EFCAB5: variants seen among roughly 807,000 people sequenced by gnomAD.
EFCAB5 encodes EF-hand calcium binding domain 5, also known as EF-hand calcium-binding domain-containing protein 5.
EFCAB5 carries 131 observed loss-of-function variants against 167.9 expected under a neutral mutation model. The ratio of observed to expected loss-of-function variants is 0.78; its 90% CI spans 0.68 to 0.90. The LOEUF is 0.90. EFCAB5 is among the 40% of genes least tolerant of loss of function. EFCAB5 has a pLI of 0.00. For missense variants in EFCAB5, 1,663 were observed against 1,745.2 expected (o/e 0.95, Z 0.84); for synonymous variants, 574 against 602.8 (o/e 0.95, Z 0.70).
rs552914362 is a variant in EFCAB5 at position 29,975,164 on chromosome 17, C to T, written c.767+5797C>T. ...TAGCCCCCAGGTTGTAATTTGCTGA[C>T]CTTTTGTCTAAATGGTATCTATTAG... On this transcript the variant is annotated intron_variant, in intron 4 of 22. Transcript: ENST00000394835. 2.2e-3 allele frequency among the ~76,000 whole-genome samples: 341 copies of T among 152,190 alleles called. 1 individual carries two copies. Among genetic ancestry groups the T allele is most frequent in the African/African-American group, 7.9e-3 (328 of 41,518 alleles).
At chr17:30,023,935 T>TGATTATCTCAATA (rs1300042629) in intron 7 of EFCAB5, among the ~76,000 whole-genome samples, 1 of 152,196 alleles carries the variant, frequency 6.6e-6, no homozygotes, top group African/African-American at 2.4e-5. Context: ...AAAAGCCACA[T>TGATTATCTCAATA]GATTATCTCA....
intron 4 of EFCAB5, among the ~76,000 whole-genome samples, chr17:29,977,429 C>G (rs2068083812): frequency 6.6e-6 from 1 of 152,128 alleles, no homozygotes; most frequent in East Asian, 1.9e-4. Flanking sequence ...CAAATTTCCT[C>G]TCTTTTCTCA....
At position 29,999,989 on chromosome 17, in the gene EFCAB5, T is replaced by G; in HGVS notation, c.1044+13T>G. 2.6e-6 allele frequency: 4 copies of G among 1,527,820 alleles called. No individual in the cohort carries two copies. The highest frequency in any genetic ancestry group is 2.0e-5 in the Admixed American group (1 of 51,102). 94.6% of individuals were successfully genotyped at this position (1,527,820 alleles called of 1,614,324 possible). ...GGAATTTACAGAAGTAAGAGTTACA[T>G]TATTTAATGTTTGAATTGAATTATT... On this transcript the variant is annotated intron_variant, in intron 7 of 22. Coordinates refer to ENST00000394835, the MANE Select transcript of EFCAB5 (RefSeq NM_198529.4).
At chr17:29,999,553 A>G (rs939711192) in intron 6 of EFCAB5, among the ~76,000 whole-genome samples, 2 of 152,182 alleles carry the variant, frequency 1.3e-5, no homozygotes, top group African/African-American at 4.8e-5. Flanking sequence ...AAGTTTTTAA[A>G]AAGAAAGCTT....
intron 6 of EFCAB5, 138 bp downstream of exon 6, chr17:29,996,498 C>T: frequency 1.5e-6 from 1 of 658,832 alleles, no homozygotes; most frequent in Admixed American, 2.9e-5. Flanking sequence ...TCCATGCTGT[C>T]CAGATACAGA....
In EFCAB5 at chr17:30,053,807, G is replaced by A. The variant is rs1250980237; in HGVS notation, c.1853G>A (p.Arg618Gln). ...SRRESIAEQD[R>Q]HKGSVAEQGS... Reference sequence around the variant, plus strand: ...AGAGAGTCTATTGCAGAACAAGATCGACACAAAGGGTCAGTAGCAGAACAA... The same window carrying A: ...AGAGAGTCTATTGCAGAACAAGATCAACACAAAGGGTCAGTAGCAGAACAA... The change falls in exon 10 of 23, where the codon CGA becomes CAA. Residue 618 changes from arginine to glutamine, a missense_variant. Physicochemically the swap from Arg to Gln is conservative, Grantham distance 43 (BLOSUM62 1). Transcript: ENST00000394835. The A allele has an allele frequency of 2.5e-6, 4 of 1,613,696 alleles. No individual in the cohort carries two copies. Among genetic ancestry groups the A allele is most frequent in the East Asian group, 4.5e-5 (2 of 44,878 alleles).
Position 29,968,884 on chromosome 17 carries a change from CAA to C in EFCAB5, c.287_288del (p.Lys96SerfsTer7). 6.4e-7 allele frequency: 1 copy of C among 1,565,498 alleles called. No individual in the cohort carries two copies. The highest frequency in any genetic ancestry group is 8.7e-7 in the Non-Finnish European group (1 of 1,154,300). On this transcript the variant is annotated frameshift_variant, in exon 4 of 23. Transcript: ENST00000394835. LOFTEE classifies it high-confidence loss of function. ...GGTAATATTGCAATTAGAAAATCTG[CAA>C]AAGTGATTTTTGCTTTAGATGAAAC...
intron 12 of EFCAB5, 34 bp downstream of exon 12, chr17:30,056,190 C>T (rs1369359624): frequency 3.2e-6 from 5 of 1,549,400 alleles, no homozygotes; most frequent in Non-Finnish European, 4.4e-6. Flanking sequence ...GAATAGATGG[C>T]AGTCCAATAG....
chr17:30,016,186 A>G (rs2069037743), intron 7 of EFCAB5, among the ~76,000 whole-genome samples: 1 of 152,014 alleles, frequency 6.6e-6, no homozygotes, highest in Non-Finnish European at 1.5e-5. Flanking sequence ...AACTTTCTTG[A>G]TGGTGTTATC....
Position 30,020,946 on chromosome 17 carries a change from C to T in EFCAB5, c.1045-13284C>T, listed in dbSNP as rs370484027. 5.2e-3 allele frequency among the ~76,000 whole-genome samples: 191 copies of T among 36,684 alleles called. 1 individual carries two copies. The highest frequency in any genetic ancestry group is 0.017 in the Admixed American group (88 of 5,200). 24.1% of individuals were successfully genotyped at this position (36,684 alleles called of 152,430 possible). On this transcript the variant is annotated intron_variant, in intron 7 of 22. Transcript: ENST00000394835. ...GGCAAATAATTACAAATTATTGTAT[C>T]AGCATGTCAGAGGAGGAACATTAAC...
intron 9 of EFCAB5, among the ~76,000 whole-genome samples, chr17:30,051,936 CA>C (rs1417595365): frequency 1.3e-5 from 2 of 151,878 alleles, no homozygotes; most frequent in African/African-American, 4.8e-5. Flanking sequence ...ATGTTATTTC[CA>C]AAACAAGTAC....
intron 8 of EFCAB5, 42 bp from the exon 9 acceptor site, chr17:30,051,076 A>C: frequency 6.3e-7 from 1 of 1,588,302 alleles, no homozygotes; most frequent in South Asian, 1.1e-5. Context: ...AAAATCTTAA[A>C]TCTCCTGTAA....
intron 17 of EFCAB5, among the ~76,000 whole-genome samples, chr17:30,082,206 C>T (rs35236300): frequency 2.3e-4 from 35 of 152,106 alleles, no homozygotes; most frequent in Non-Finnish European, 3.5e-4. Flanking sequence ...CATTGGCATC[C>T]GATCAAGGCA....
intron 4 of EFCAB5, 79 bp from the exon 5 acceptor site, chr17:29,993,086 A>C: frequency 7.5e-7 from 1 of 1,339,810 alleles, no homozygotes; most frequent in Non-Finnish European, 9.9e-7. Flanking sequence ...TTTCAAAGAG[A>C]GTCTGAATTC....
chr17:30,054,512 G>A (rs1016066381), intron 10 of EFCAB5, among the ~76,000 whole-genome samples: 4 of 152,128 alleles, frequency 2.6e-5, no homozygotes, highest in African/African-American at 9.7e-5. Flanking sequence ...AACTGTAAAT[G>A]GGTCTCGCTT....
chr17:29,958,547 G>T (rs1400857602), intron 3 of EFCAB5, among the ~76,000 whole-genome samples: 1 of 152,072 alleles, frequency 6.6e-6, no homozygotes, highest in East Asian at 1.9e-4. Flanking sequence ...TTCCTTCTCT[G>T]TGCTATCTTG....
intron 7 of EFCAB5, among the ~76,000 whole-genome samples, chr17:30,001,845 C>T (rs919147380): frequency 6.6e-6 from 1 of 152,160 alleles, no homozygotes; most frequent in African/African-American, 2.4e-5. Flanking sequence ...TTATTACATG[C>T]ACTTTCTTGT....
At chr17:30,069,347 C>A (rs1273690413) in intron 14 of EFCAB5, 2 of 1,556,690 alleles carry the variant, frequency 1.3e-6, no homozygotes, top group African/African-American at 1.4e-5. Flanking sequence ...GGAAAATCAG[C>A]GACTAATTGG....
At chr17:29,985,113 G>C (rs867100731) in intron 4 of EFCAB5, among the ~76,000 whole-genome samples, 4 of 152,178 alleles carry the variant, frequency 2.6e-5, no homozygotes, top group Non-Finnish European at 4.4e-5. Context: ...ATCAAAACCA[G>C]TTTGGGGTTT....
Sources: gnomAD v4.1 joint callset for allele counts (sites outside exome capture counted in the v4.1 genomes callset) on GRCh38, gnomAD v4.1.1 for gene constraint, MANE v1.5 for transcripts, NCBI Gene and HGNC (gene_info 2026-07-23, HGNC 2026-07-21) for gene names.